The following DCDC1 variants were observed in gnomAD, a reference collection of about 807,000 sequenced individuals.
DCDC1 encodes doublecortin domain-containing protein 1.
In DCDC1, 200 loss-of-function variants were observed where a neutral mutation model predicts 178.3. That is an observed-to-expected ratio of 1.12 (90% CI 1.00 to 1.26). DCDC1 has a LOEUF of 1.26. DCDC1 is among the 50% of genes most tolerant of loss of function. The pLI, the probability that DCDC1 is intolerant of heterozygous loss-of-function variation, is 0.00. For synonymous variants in DCDC1, 690 were observed against 604.8 expected, an observed-to-expected ratio of 1.14 and a Z score of -2.07; for missense variants, 1,983 against 1,749.2, an observed-to-expected ratio of 1.13 and a Z score of -2.38.
At chr11:31,094,374 G>T (rs1958010148) in intron 15 of DCDC1, among the ~76,000 whole-genome samples, 190 bp from the exon 16 acceptor site, 1 of 152,060 alleles carries the variant, frequency 6.6e-6, no homozygotes, top group South Asian at 2.1e-4. Context: ...TATTATGCAA[G>T]ACCCTATGCT....
At chr11:31,294,870 A>AAAGAAAGAAAG (rs1565567555) in intron 6 of DCDC1, among the ~76,000 whole-genome samples, 2 of 149,510 alleles carry the variant, frequency 1.3e-5, no homozygotes, top group African/African-American at 4.9e-5. Flanking sequence ...AAGAAAGAAA[A>AAAGAAAGAAAG]AGAAAACAGA....
intron 17 of DCDC1, among the ~76,000 whole-genome samples, chr11:31,082,048 T>C (rs889843977): frequency 5.3e-5 from 8 of 152,324 alleles, no homozygotes; most frequent in Middle Eastern, 6.8e-3. Context: ...AATGATATCA[T>C]AGACTCTCCT....
chr11:31,055,235 G>A (rs528075936), intron 20 of DCDC1, among the ~76,000 whole-genome samples: 3 of 152,088 alleles, frequency 2.0e-5, no homozygotes, highest in South Asian at 2.1e-4. Flanking sequence ...ATGAAAAAAC[G>A]CTCCACACCA....
intron 20 of DCDC1, among the ~76,000 whole-genome samples, chr11:31,024,194 C>A (rs181766273): frequency 7.2e-4 from 110 of 151,802 alleles, no homozygotes; most frequent in African/African-American, 2.5e-3. Flanking sequence ...TTTAAATTAT[C>A]ATTATTAAGT....
intron 20 of DCDC1, among the ~76,000 whole-genome samples, chr11:30,975,409 T>C (rs148692415): frequency 1.4e-3 from 208 of 152,036 alleles, no homozygotes; most frequent in Admixed American, 2.2e-3. Flanking sequence ...GGCATCCAAA[T>C]TGGAAAAGAG....
chr11:31,358,055 A>G (rs1951484119), intron 1 of DCDC1, among the ~76,000 whole-genome samples: 2 of 151,782 alleles, frequency 1.3e-5, no homozygotes, highest in Non-Finnish European at 2.9e-5. Flanking sequence ...TCAAGCTACC[A>G]ATGACTTTCT....
chr11:31,327,849 T>G (rs1226492377), intron 3 of DCDC1, among the ~76,000 whole-genome samples: 1 of 152,088 alleles, frequency 6.6e-6, no homozygotes, highest in Non-Finnish European at 1.5e-5. Context: ...TGCCTTAGCC[T>G]TCCGAGTAGC....
At chr11:31,245,611 G>A (rs1301110420) in intron 8 of DCDC1, among the ~76,000 whole-genome samples, 5 of 151,676 alleles carry the variant, frequency 3.3e-5, no homozygotes, top group Admixed American at 1.3e-4. Context: ...GATTTGGGAA[G>A]GAAGCATTAA....
intron 20 of DCDC1, among the ~76,000 whole-genome samples, chr11:31,062,592 G>T (rs1162453571): frequency 6.6e-6 from 1 of 151,950 alleles, no homozygotes; most frequent in South Asian, 2.1e-4. Flanking sequence ...ATACAGCAAG[G>T]TACTAAATTT....
chr11:31,347,914 G>T (rs770680468), intron 1 of DCDC1, among the ~76,000 whole-genome samples: 2 of 152,170 alleles, frequency 1.3e-5, no homozygotes, highest in Non-Finnish European at 2.9e-5. Context: ...GTCATAAGTA[G>T]GTGGCATGGC....
chr11:30,876,041 G>A (rs1013703068), intron 38 of DCDC1, among the ~76,000 whole-genome samples: 6 of 152,132 alleles, frequency 3.9e-5, no homozygotes, highest in African/African-American at 1.4e-4. Context: ...GAAAAATTCA[G>A]TTCTCCTGAG....
At chr11:31,114,826 G>T (rs1355935144) in intron 11 of DCDC1, among the ~76,000 whole-genome samples, 1 of 152,106 alleles carries the variant, frequency 6.6e-6, no homozygotes, top group Admixed American at 6.6e-5. Flanking sequence ...GATCATTATG[G>T]CTGCTGCCTT....
chr11:31,087,533 G>A (rs972115941), intron 17 of DCDC1, among the ~76,000 whole-genome samples: 1 of 151,926 alleles, frequency 6.6e-6, no homozygotes, highest in Non-Finnish European at 1.5e-5. Flanking sequence ...TTAATATGTT[G>A]TATTTTCATT....
At chr11:30,946,822 G>C (rs921361897) in intron 21 of DCDC1, among the ~76,000 whole-genome samples, 16 of 152,154 alleles carry the variant, frequency 1.1e-4, no homozygotes, top group African/African-American at 3.9e-4. Context: ...GAGATCCAGA[G>C]AGATAAGCAG....
intron 17 of DCDC1, among the ~76,000 whole-genome samples, chr11:31,085,185 A>T (rs1443802191): frequency 6.6e-6 from 1 of 150,930 alleles, no homozygotes; most frequent in East Asian, 1.9e-4. Flanking sequence ...TTTAAAAAAA[A>T]CTGCTTTATT....
intron 7 of DCDC1, among the ~76,000 whole-genome samples, chr11:31,272,739 G>A (rs1448089590): frequency 6.6e-6 from 1 of 152,262 alleles, no homozygotes; most frequent in Admixed American, 6.5e-5. Flanking sequence ...GTCTTGGGCA[G>A]TTCTACTCCT....
intron 38 of DCDC1, among the ~76,000 whole-genome samples, chr11:30,876,357 C>T (rs557004521): frequency 1.3e-5 from 2 of 152,190 alleles, no homozygotes; most frequent in Non-Finnish European, 2.9e-5. Context: ...GAAACTGTTC[C>T]CCAGTCCACC....
chr11:31,096,215 C>G (rs1019883305), intron 15 of DCDC1, among the ~76,000 whole-genome samples: 1 of 152,172 alleles, frequency 6.6e-6, no homozygotes, highest in African/African-American at 2.4e-5. Context: ...ACACCACCAC[C>G]TAAGCAGATT....
chr11:30,924,296 C>A (rs1460317389), intron 23 of DCDC1, among the ~76,000 whole-genome samples: 5 of 152,122 alleles, frequency 3.3e-5, no homozygotes, highest in South Asian at 4.1e-4. Flanking sequence ...TCTCTGAGAA[C>A]AACAGACTCT....
Sources: allele counts gnomAD v4.1 joint callset (sites outside exome capture counted in the v4.1 genomes callset), GRCh38; gene constraint gnomAD v4.1.1; transcripts MANE v1.5; gene names NCBI Gene and HGNC (gene_info 2026-07-23, HGNC 2026-07-21).